The following PXDN variants were observed in gnomAD, a reference collection of about 807,000 sequenced individuals.
PXDN encodes the protein peroxidasin homolog.
Under a neutral mutation model 140.3 loss-of-function variants are expected in PXDN, and 77 were observed. The observed-to-expected ratio is 0.55, with a 90% CI of 0.46 to 0.66. The LOEUF (loss-of-function observed/expected upper bound fraction) is 0.66, where lower values mean the gene tolerates loss of function less well. Ranked by LOEUF, PXDN falls within the 30% of genes least tolerant of loss-of-function variation. The probability of loss-of-function intolerance (pLI) is 0.00; values close to 1 mark genes in which losing one functional copy is unlikely to be tolerated. For synonymous variants in PXDN, 911 were observed against 857.4 expected, an observed-to-expected ratio of 1.06 and a Z score of -1.09; for missense variants, 1,838 against 2,039.5, an observed-to-expected ratio of 0.90 and a Z score of 1.90.
intron 9 of PXDN, among the ~76,000 whole-genome samples, chr2:1,667,203 A>G (rs551806513): frequency 2.5e-4 from 38 of 152,328 alleles, no homozygotes; most frequent in African/African-American, 8.9e-4. Context: ...AAACCCTTCA[A>G]ACAAAAATGA....
At chr2:1,737,999 C>T (rs745851979) in intron 1 of PXDN, among the ~76,000 whole-genome samples, 4 of 152,188 alleles carry the variant, frequency 2.6e-5, no homozygotes, top group Non-Finnish European at 5.9e-5. Flanking sequence ...TGCAGGTGGT[C>T]TGGCAGCAGG....
rs759881927 is a variant in PXDN at position 1,648,614 on chromosome 2, C to G, written c.3166G>C (p.Gly1056Arg). 6.2e-7 allele frequency: 1 copy of G among 1,611,348 alleles called. No homozygotes were observed. The highest frequency in any genetic ancestry group is 8.5e-7 in the Non-Finnish European group (1 of 1,179,256). ...TLGEYHGYDPGINAGIFNAFA... is the reference protein window; with the variant it reads ...TLGEYHGYDPRINAGIFNAFA... ...GCGTTGAAGATGCCAGCATTGATGC[C>G]GGGGTCGTAGCCGTGGTACTCTCCC... Residue 1056 changes from glycine to arginine, a missense_variant, in exon 17 of 23, where the codon GGC (glycine) becomes CGC (arginine). Around this residue, in one of 5 missense-constraint regions of PXDN, gnomAD observed 850 missense variants for 894.1 expected, o/e 0.95. Transcript: ENST00000252804. This position sits in a 1 kb window ranked among gnomAD's most constrained non-coding sequence, Gnocchi z 8.9.
intron 16 of PXDN, among the ~76,000 whole-genome samples, chr2:1,650,237 C>T (rs944638850): frequency 1.1e-4 from 17 of 152,198 alleles, no homozygotes; most frequent in Admixed American, 5.2e-4. Context: ...CTAGCCGCCG[C>T]GCCCTCCTCT....
At chr2:1,674,734 G>C (rs1030366593) in intron 8 of PXDN, among the ~76,000 whole-genome samples, 1 of 152,182 alleles carries the variant, frequency 6.6e-6, no homozygotes, top group Non-Finnish European at 1.5e-5. Context: ...AGTAAGAACA[G>C]CCAGGCACGG....
intron 13 of PXDN, 60 bp downstream of exon 13, chr2:1,662,012 G>A: frequency 7.0e-7 from 1 of 1,436,362 alleles, no homozygotes; most frequent in Non-Finnish European, 9.5e-7. Flanking sequence ...GGGTGGTGTG[G>A]GTGCCAGCCC....
intron 7 of PXDN, among the ~76,000 whole-genome samples, chr2:1,678,162 C>G (rs1683776621): frequency 6.6e-6 from 1 of 152,104 alleles, no homozygotes; most frequent in South Asian, 2.1e-4. Flanking sequence ...CTCTGCAGCA[C>G]TAGAGCCCTT....
intron 1 of PXDN, among the ~76,000 whole-genome samples, chr2:1,737,345 T>C (rs959580779): frequency 2.0e-5 from 3 of 152,132 alleles, no homozygotes; most frequent in Non-Finnish European, 4.4e-5. Flanking sequence ...CAGTGATGAC[T>C]GATCTCGTAT....
intron 1 of PXDN, among the ~76,000 whole-genome samples, chr2:1,735,933 A>G (rs1685416952): frequency 6.6e-6 from 1 of 152,256 alleles, no homozygotes; most frequent in South Asian, 2.1e-4. Flanking sequence ...GATACTAGCT[A>G]GAACTTCTGG....
In PXDN at chr2:1,648,394, C is replaced by T. The variant is rs117378371; in HGVS notation, c.3386G>A (p.Arg1129His). ...CGTGTTCAGCAGCTGCGAGGGCACA[C>T]GCATTTTCCCCGCCACCCCGAACAG... ...RGLFGVAGKM[R>H]VPSQLLNTEL... Residue 1129 changes from arginine to histidine, a missense_variant, in exon 17 of 23, where the codon CGT becomes CAT. Around this residue, in one of 5 missense-constraint regions of PXDN, gnomAD observed 850 missense variants for 894.1 expected, o/e 0.95. Coordinates refer to ENST00000252804, the MANE Select transcript of PXDN (RefSeq NM_012293.3). The surrounding 1 kb of genome is among the most constrained non-coding windows in gnomAD (Gnocchi z 8.9). 10 of 1,612,562 alleles carry T rather than the reference C, an allele frequency of 6.2e-6. No individual in the cohort carries two copies. Among genetic ancestry groups the T allele is most frequent in the East Asian group, 4.5e-5 (2 of 44,868 alleles).
chr2:1,667,619 T>C (rs1241585651), intron 9 of PXDN, among the ~76,000 whole-genome samples: 1 of 152,026 alleles, frequency 6.6e-6, no homozygotes, highest in Non-Finnish European at 1.5e-5. Flanking sequence ...GGGCACAAAA[T>C]CAATGTGCAA....
chr2:1,663,398 A>T (rs778235990), intron 12 of PXDN, among the ~76,000 whole-genome samples: 11 of 152,126 alleles, frequency 7.2e-5, no homozygotes, highest in African/African-American at 1.2e-4. Context: ...AAATAAGCAA[A>T]TGTTTTCACC....
chr2:1,644,050 T>G (rs1476263205), intron 18 of PXDN, among the ~76,000 whole-genome samples: 2 of 107,326 alleles, frequency 1.9e-5, no homozygotes, highest in Non-Finnish European at 3.3e-5. Flanking sequence ...CCAGCCTGGG[T>G]GACAGAGCAA....
At chr2:1,655,979 A>G (rs1683124778) in intron 14 of PXDN, among the ~76,000 whole-genome samples, 1 of 151,912 alleles carries the variant, frequency 6.6e-6, no homozygotes, top group Non-Finnish European at 1.5e-5. Context: ...ACACGCACAT[A>G]GCCCATCAAA....
intron 1 of PXDN, among the ~76,000 whole-genome samples, chr2:1,728,071 C>T (rs1031145733): frequency 6.6e-6 from 1 of 152,106 alleles, no homozygotes; most frequent in Non-Finnish European, 1.5e-5. Context: ...AGTGAGTAGC[C>T]AGGACTACAG....
chr2:1,693,400 T>A (rs1684226683), intron 1 of PXDN, among the ~76,000 whole-genome samples: 1 of 152,172 alleles, frequency 6.6e-6, no homozygotes, highest in Non-Finnish European at 1.5e-5. Context: ...AAGCACCCTA[T>A]CTCTGGCAAC....
intron 7 of PXDN, among the ~76,000 whole-genome samples, chr2:1,679,268 G>A (rs970985100): frequency 6.6e-6 from 1 of 150,548 alleles, no homozygotes; most frequent in Non-Finnish European, 1.5e-5. Flanking sequence ...TGGTGTGTGT[G>A]TGGATTGTAT....
At chr2:1,683,996 T>C (rs1305808060) in intron 5 of PXDN, 84 bp downstream of exon 5, 2 of 1,283,734 alleles carry the variant, frequency 1.6e-6, no homozygotes, top group East Asian at 2.5e-5. Context: ...AGGTGTTTGG[T>C]AGATATTGAC....
At chr2:1,710,767 C>T (rs1225654042) in intron 1 of PXDN, among the ~76,000 whole-genome samples, 40 of 80,002 alleles carry the variant, frequency 5.0e-4, no homozygotes, top group African/African-American at 2.2e-3. Context: ...ACCCACTCCA[C>T]CAGCACCCAC....
Position 1,631,940 on chromosome 2 carries a change from G to A in PXDN, c.*2264C>T, listed in dbSNP as rs922897407. On this transcript the variant is annotated 3_prime_UTR_variant, in exon 23 of 23. Coordinates refer to ENST00000252804, the MANE Select transcript of PXDN (RefSeq NM_012293.3). ...GAACTGAAAGGCATCATTACAAAGTGCAAACATTTCTTTGGTAATGAACTG... is the reference window on the plus strand; with the variant it reads ...GAACTGAAAGGCATCATTACAAAGTACAAACATTTCTTTGGTAATGAACTG... 1 of 152,574 alleles carries A rather than the reference G, an allele frequency of 6.6e-6. No homozygotes were observed. The highest frequency in any genetic ancestry group is 1.5e-5 in the Non-Finnish European group (1 of 68,020). 9.5% of individuals were successfully genotyped at this position (152,574 alleles called of 1,614,324 possible). A position where few individuals can be genotyped will look rare whatever the true frequency, so the allele number is the denominator to read the frequency against.
Sources: gnomAD v4.1 joint callset for allele counts (sites outside exome capture counted in the v4.1 genomes callset) on GRCh38, gnomAD v4.1.1 for gene constraint, gnomAD v4.1.1 regional missense constraint, Gnocchi (gnomAD v3.1) non-coding constraint, MANE v1.5 for transcripts, NCBI Gene and HGNC (gene_info 2026-07-23, HGNC 2026-07-21) for gene names.